MYOM2: variants seen among roughly 807,000 people sequenced by gnomAD.
MYOM2 encodes myomesin 2, also known as myomesin-2.
Under a neutral mutation model 187.6 loss-of-function variants are expected in MYOM2, and 254 were observed. That is an observed-to-expected ratio of 1.35 (90% CI 1.22 to 1.50). The LOEUF (loss-of-function observed/expected upper bound fraction) is 1.50, where lower values mean the gene tolerates loss of function less well. Ranked by LOEUF, MYOM2 falls within the 40% of genes most tolerant of loss-of-function variation. MYOM2 has a pLI of 0.00. For synonymous variants in MYOM2, 981 were observed against 753.8 expected (o/e 1.30, Z -4.94); for missense variants, 2,796 against 1,924.0 (o/e 1.45, Z -8.48).
intron 35 of MYOM2, 104 bp from the exon 36 acceptor site, chr8:2,143,297 C>G (rs1798342371): frequency 2.6e-5 from 33 of 1,290,742 alleles, no homozygotes; most frequent in Admixed American, 1.2e-4. Context: ...TGAGCATAAA[C>G]TCCTCACCAC....
intron 18 of MYOM2, 43 bp downstream of exon 18, chr8:2,096,477 T>A: frequency 1.3e-6 from 2 of 1,585,198 alleles, no homozygotes; most frequent in Non-Finnish European, 1.7e-6. Flanking sequence ...GCCTGGGTGG[T>A]TCTTTACATT....
intron 6 of MYOM2, among the ~76,000 whole-genome samples, chr8:2,062,478 G>T (rs1004500767): frequency 6.6e-6 from 1 of 152,114 alleles, no homozygotes. Flanking sequence ...GGGCTCGACT[G>T]GGCATTAGTG....
intron 12 of MYOM2, 81 bp from the exon 13 acceptor site, chr8:2,079,479 G>C: frequency 1.5e-6 from 2 of 1,363,884 alleles, no homozygotes; most frequent in Non-Finnish European, 2.1e-6. Context: ...AGGAGATGCA[G>C]AGCTGGCACA....
chr8:2,143,097 C>T (rs981143068), intron 35 of MYOM2, among the ~76,000 whole-genome samples: 3 of 152,050 alleles, frequency 2.0e-5, no homozygotes, highest in African/African-American at 7.2e-5. Flanking sequence ...ACACACGCGG[C>T]TCTCCAGGCC....
intron 32 of MYOM2, among the ~76,000 whole-genome samples, chr8:2,130,277 T>A (rs1267004457): frequency 7.2e-6 from 1 of 138,752 alleles, no homozygotes; most frequent in Non-Finnish European, 1.5e-5. Context: ...GTCAGTACCC[T>A]ATACCCAGGG....
intron 14 of MYOM2, 38 bp downstream of exon 14, chr8:2,085,428 T>A: frequency 6.3e-7 from 1 of 1,597,704 alleles, no homozygotes; most frequent in Non-Finnish European, 8.5e-7. Flanking sequence ...AGTAGATCTC[T>A]GCATGGCCCC....
chr8:2,096,182 G>A, intron 17 of MYOM2, 65 bp from the exon 18 acceptor site: 2 of 1,520,932 alleles, frequency 1.3e-6, no homozygotes, highest in African/African-American at 1.4e-5. Flanking sequence ...ACTGGAGCTG[G>A]CTGCCCCGGG....
At chr8:2,087,142 G>A (rs1796120832) in intron 14 of MYOM2, among the ~76,000 whole-genome samples, 1 of 152,198 alleles carries the variant, frequency 6.6e-6, no homozygotes, top group South Asian at 2.1e-4. Flanking sequence ...CTGTTGGGTT[G>A]TAGGCCATAG....
intron 18 of MYOM2, chr8:2,098,056 T>C (rs1796555554): frequency 6.6e-6 from 1 of 152,206 alleles, no homozygotes; most frequent in African/African-American, 2.4e-5. Context: ...CTTTTGTCCC[T>C]GGGTCATCTC....
chr8:2,080,602 T>C (rs1014097947), intron 13 of MYOM2, among the ~76,000 whole-genome samples: 1 of 152,238 alleles, frequency 6.6e-6, no homozygotes. Context: ...GGAATGAAAG[T>C]GAGGGATTTG....
At chr8:2,064,389 G>A (rs1201290694) in intron 6 of MYOM2, among the ~76,000 whole-genome samples, 3 of 152,356 alleles carry the variant, frequency 2.0e-5, no homozygotes, top group African/African-American at 4.8e-5. Context: ...CGTGCCCACC[G>A]TGGGGGTGAC....
Position 2,090,163 on chromosome 8 carries a change from G to T in MYOM2, c.1800G>T (p.Thr600=). 6.2e-7 allele frequency: 1 copy of T among 1,613,898 alleles called. No individual in the cohort carries two copies. Among genetic ancestry groups the T allele is most frequent in the Non-Finnish European group, 8.5e-7 (1 of 1,179,894 alleles). Reference sequence around the variant, plus strand: ...GCCTGAGCGAACCTTCGGAGATAACGTCCCCCATTCAGGCCCAGGATGTGA... The same window carrying T: ...GCCTGAGCGAACCTTCGGAGATAACTTCCCCCATTCAGGCCCAGGATGTGA... ...RHGLSEPSEI[T]SPIQAQDVTV... The change falls in exon 15 of 37, where the codon ACG becomes ACT. Residue 600 remains threonine (T), a synonymous_variant. Transcript: ENST00000262113.
intron 32 of MYOM2, among the ~76,000 whole-genome samples, chr8:2,137,452 G>C (rs950808245): frequency 6.6e-6 from 1 of 152,024 alleles, no homozygotes; most frequent in African/African-American, 2.4e-5. Context: ...AAGCAGGGTG[G>C]GGCCAGGCAG....
chr8:2,094,295 C>G (rs889765015), intron 17 of MYOM2, among the ~76,000 whole-genome samples: 2 of 152,162 alleles, frequency 1.3e-5, no homozygotes, highest in African/African-American at 4.8e-5. Context: ...AATGATAATA[C>G]ACTAATAAAA....
chr8:2,106,201 C>G (rs765839459), intron 21 of MYOM2, 41 bp from the exon 22 acceptor site: 56 of 1,592,440 alleles, frequency 3.5e-5, no homozygotes, highest in Non-Finnish European at 4.8e-5. Context: ...TGAAAGAACA[C>G]CGTGTCCCTA....
chr8:2,064,644 C>A (rs776410062), intron 6 of MYOM2, among the ~76,000 whole-genome samples: 1 of 152,184 alleles, frequency 6.6e-6, no homozygotes, highest in Non-Finnish European at 1.5e-5. Context: ...AGTGCTAATG[C>A]GCGAGGTTGC....
chr8:2,103,133 T>C (rs1796769037), intron 21 of MYOM2, among the ~76,000 whole-genome samples: 1 of 148,298 alleles, frequency 6.7e-6, no homozygotes, highest in Non-Finnish European at 1.5e-5. Flanking sequence ...GGTGGGTGGG[T>C]GTGTGTGTAA....
chr8:2,050,525 T>G (rs145939827), intron 1 of MYOM2, among the ~76,000 whole-genome samples: 37 of 152,352 alleles, frequency 2.4e-4, no homozygotes, highest in Admixed American at 2.2e-3. Context: ...AGCCCAATCT[T>G]CCAACTGTTG....
chr8:2,124,477 C>T (rs1797567243), intron 31 of MYOM2, among the ~76,000 whole-genome samples: 3 of 152,168 alleles, frequency 2.0e-5, no homozygotes, highest in Non-Finnish European at 4.4e-5. Flanking sequence ...TCCATCCTGT[C>T]TTAGGTTAAT....
Sources: allele counts gnomAD v4.1 joint callset (sites outside exome capture counted in the v4.1 genomes callset), GRCh38; gene constraint gnomAD v4.1.1; transcripts MANE v1.5; gene names NCBI Gene and HGNC (gene_info 2026-07-23, HGNC 2026-07-21).